LIMCH1: variants seen among roughly 807,000 people sequenced by gnomAD.
The protein encoded by LIMCH1 is LIM and calponin homology domains-containing protein 1.
A neutral mutation model predicts 176.5 loss-of-function variants in LIMCH1; 113 were observed. The observed-to-expected ratio is 0.64, with a 90% CI of 0.55 to 0.75. The LOEUF (loss-of-function observed/expected upper bound fraction) is 0.75, where lower values mean the gene tolerates loss of function less well. Among genes scored for constraint, LIMCH1 ranks in the 30% least tolerant of loss-of-function variants. The pLI is 0.00. For synonymous variants in LIMCH1, 619 were observed against 645.9 expected (o/e 0.96, Z 0.63); for missense variants, 1,674 against 1,814.9 (o/e 0.92, Z 1.41).
chr4:41,395,308 C>T (rs1224021934), intron 1 of LIMCH1, among the ~76,000 whole-genome samples: 1 of 149,274 alleles, frequency 6.7e-6, no homozygotes, highest in Non-Finnish European at 1.5e-5. Context: ...TCTCGGCTCA[C>T]TGCAACCTCC....
chr4:41,445,243 A>T (rs987220071), intron 1 of LIMCH1, among the ~76,000 whole-genome samples: 6 of 152,096 alleles, frequency 3.9e-5, no homozygotes, highest in African/African-American at 7.2e-5. Context: ...TGACCTCGTG[A>T]TCCACCTGCC....
At chr4:41,379,261 G>A (rs899476850) in intron 1 of LIMCH1, among the ~76,000 whole-genome samples, 12 of 152,196 alleles carry the variant, frequency 7.9e-5, no homozygotes. Context: ...TCATGTGCCT[G>A]TATGCAGGAG....
chr4:41,645,826 C>T (rs1413716918), intron 15 of LIMCH1, among the ~76,000 whole-genome samples: 4 of 152,208 alleles, frequency 2.6e-5, no homozygotes, highest in Non-Finnish European at 5.9e-5. Flanking sequence ...CCTTGTGAGG[C>T]AATTCTCTGA....
chr4:41,556,594 T>G (rs754032037), intron 1 of LIMCH1, among the ~76,000 whole-genome samples: 1 of 152,038 alleles, frequency 6.6e-6, no homozygotes, highest in Non-Finnish European at 1.5e-5. Flanking sequence ...AAGTACATTA[T>G]ATTACGCCTC....
At chr4:41,693,681 A>G (rs1043985747) in intron 31 of LIMCH1, among the ~76,000 whole-genome samples, 3 of 152,022 alleles carry the variant, frequency 2.0e-5, no homozygotes, top group African/African-American at 7.2e-5. Context: ...TTGCTTTTAT[A>G]TGCTAACAAG....
intron 1 of LIMCH1, among the ~76,000 whole-genome samples, chr4:41,565,054 GA>G (rs1452261410): frequency 6.6e-6 from 1 of 152,140 alleles, no homozygotes; most frequent in Non-Finnish European, 1.5e-5. Flanking sequence ...AGCAGTGTGA[GA>G]ACAGACTGAT....
chr4:41,583,149 A>G (rs2085822544), intron 1 of LIMCH1, among the ~76,000 whole-genome samples: 1 of 152,176 alleles, frequency 6.6e-6, no homozygotes, highest in African/African-American at 2.4e-5. Flanking sequence ...GAGGGTAGGC[A>G]CACTTAGGGC....
At position 41,646,466 on chromosome 4, in the gene LIMCH1, C is replaced by G. The variant is rs770350228; in HGVS notation, c.2412-19C>G. Reference sequence around the variant, plus strand: ...TTTTCATTAGTTGACTTTGTTATTGCTTCTCCCATGTCCTTTAGAGAGCGG... The same window carrying G: ...TTTTCATTAGTTGACTTTGTTATTGGTTCTCCCATGTCCTTTAGAGAGCGG... On this transcript the variant is annotated intron_variant, in intron 16 of 31. Transcript: ENST00000503057. The G allele has an allele frequency of 1.3e-5, 21 of 1,598,282 alleles. No homozygotes were observed. The highest frequency in any genetic ancestry group is 1.8e-5 in the Non-Finnish European group (21 of 1,171,610).
intron 1 of LIMCH1, among the ~76,000 whole-genome samples, chr4:41,433,942 G>A (rs893281632): frequency 2.0e-4 from 30 of 152,302 alleles, no homozygotes; most frequent in Admixed American, 1.4e-3. Context: ...TAGCTGGTGG[G>A]AACACCAAGG....
intron 1 of LIMCH1, among the ~76,000 whole-genome samples, chr4:41,431,337 A>T (rs1029851743): frequency 1.3e-5 from 2 of 152,174 alleles, no homozygotes; most frequent in African/African-American, 4.8e-5. Flanking sequence ...TTACCTGTAG[A>T]ACTTTGGGCA....
chr4:41,663,992 A>G (rs1482870602), intron 20 of LIMCH1, among the ~76,000 whole-genome samples: 1 of 151,984 alleles, frequency 6.6e-6, no homozygotes, highest in Non-Finnish European at 1.5e-5. Flanking sequence ...GTGAGCTGTG[A>G]TTATACCACT....
At chr4:41,621,830 G>A (rs924526422) in intron 7 of LIMCH1, among the ~76,000 whole-genome samples, 4 of 152,028 alleles carry the variant, frequency 2.6e-5, no homozygotes, top group African/African-American at 9.7e-5. Context: ...GATCAGATTC[G>A]GATGCTCTGA....
At chr4:41,586,817 C>A (rs1299768234) in intron 1 of LIMCH1, among the ~76,000 whole-genome samples, 1 of 151,910 alleles carries the variant, frequency 6.6e-6, no homozygotes. Context: ...CCTTGAGAGG[C>A]GATACAGCTG....
chr4:41,602,478 A>G (rs909675197), intron 2 of LIMCH1, among the ~76,000 whole-genome samples: 1 of 152,146 alleles, frequency 6.6e-6, no homozygotes, highest in African/African-American at 2.4e-5. Context: ...AAAAAGCTTT[A>G]TGTTCCCTAT....
intron 1 of LIMCH1, among the ~76,000 whole-genome samples, chr4:41,483,579 C>T (rs1299981788): frequency 6.6e-6 from 1 of 152,202 alleles, no homozygotes; most frequent in Non-Finnish European, 1.5e-5. Flanking sequence ...TGCTGGCACA[C>T]AAGGCCCTTC....
At chr4:41,363,877 G>T (rs904295278) in intron 1 of LIMCH1, among the ~76,000 whole-genome samples, 11 of 152,218 alleles carry the variant, frequency 7.2e-5, no homozygotes, top group Non-Finnish European at 1.2e-4. Flanking sequence ...AGAGGAGACA[G>T]CAAACTTGAA....
chr4:41,412,254 A>C lies in LIMCH1; in HGVS notation c.96+51318A>C, dbSNP rs143160574. 1.2e-4 allele frequency among the ~76,000 whole-genome samples: 18 copies of C among 152,318 alleles called. No homozygotes were observed. The East Asian group carries it at 3.3e-3, about 28-fold the overall frequency. Reference sequence around the variant, plus strand: ...GTCTTCCTCATGCCTCTTGTAGCCAAATATTTTTAATAGTGTCTGAAAAAA... The same window carrying C: ...GTCTTCCTCATGCCTCTTGTAGCCACATATTTTTAATAGTGTCTGAAAAAA... On this transcript the variant is annotated intron_variant, in intron 1 of 26. Coordinates refer to the LIMCH1 transcript ENST00000313860.
At chr4:41,616,868 G>C (rs187340474) in intron 5 of LIMCH1, among the ~76,000 whole-genome samples, 3 of 152,094 alleles carry the variant, frequency 2.0e-5, no homozygotes, top group African/African-American at 7.2e-5. Flanking sequence ...AGATGGTAGA[G>C]CTGAAATTTT....
chr4:41,689,239 A>T (rs1203196423), intron 29 of LIMCH1, among the ~76,000 whole-genome samples: 2 of 152,228 alleles, frequency 1.3e-5, no homozygotes, highest in Non-Finnish European at 1.5e-5. Context: ...GAGGCATTTG[A>T]ATAGACTACA....
Sources: allele counts gnomAD v4.1 joint callset (sites outside exome capture counted in the v4.1 genomes callset), GRCh38; gene constraint gnomAD v4.1.1; transcripts MANE v1.5; gene names NCBI Gene and HGNC (gene_info 2026-07-23, HGNC 2026-07-21).